SNX27: variants seen among roughly 807,000 people sequenced by gnomAD.
SNX27 encodes sorting nexin-27.
A neutral mutation model predicts 71.6 loss-of-function variants in SNX27; 22 were observed. That is an observed-to-expected ratio of 0.31 (90% CI 0.22 to 0.44). The LOEUF is 0.44. Ranked by LOEUF, SNX27 falls within the 20% of genes least tolerant of loss-of-function variation. The pLI, the probability that SNX27 is intolerant of heterozygous loss-of-function variation, is 1.00. For synonymous variants in SNX27, 269 were observed against 277.2 expected (o/e 0.97, Z 0.29); for missense variants, 531 against 698.6 (o/e 0.76, Z 2.70).
Position 151,694,568 on chromosome 1 carries a change from C to T in SNX27, c.*151C>T. Reference sequence around the variant, plus strand: ...TAAACTAAATATTATTAATAACCCCCTCTGAATTTCATGTCTCTGGAATTG... The same window carrying T: ...TAAACTAAATATTATTAATAACCCCTTCTGAATTTCATGTCTCTGGAATTG... On this transcript the variant is annotated 3_prime_UTR_variant, in exon 12 of 12. Coordinates refer to ENST00000458013, the MANE Select transcript of SNX27 (RefSeq NM_001330723.2). 1 of 711,408 alleles carries T rather than the reference C, an allele frequency of 1.4e-6. No individual in the cohort carries two copies. Among genetic ancestry groups the T allele is most frequent in the Non-Finnish European group, 2.1e-6 (1 of 467,116 alleles). The allele number at this position is 711,408 out of a possible 1,614,324, so 44.1% of individuals were successfully genotyped here.
At chr1:151,638,362 G>T (rs1668565051) in intron 1 of SNX27, among the ~76,000 whole-genome samples, 1 of 152,208 alleles carries the variant, frequency 6.6e-6, no homozygotes, top group South Asian at 2.1e-4. Context: ...GATATGGAGA[G>T]AAATTGGATG....
At chr1:151,652,565 C>T (rs549797338) in intron 2 of SNX27, among the ~76,000 whole-genome samples, 14 of 151,814 alleles carry the variant, frequency 9.2e-5, no homozygotes, top group East Asian at 5.8e-4. Context: ...GCCGCTACCA[C>T]GCCTGGCTAA....
At chr1:151,625,943 G>A (rs1422018905) in intron 1 of SNX27, among the ~76,000 whole-genome samples, 3 of 151,430 alleles carry the variant, frequency 2.0e-5, no homozygotes, top group African/African-American at 7.3e-5. Context: ...GAGTGAGACT[G>A]TGTCACCAAA....
At chr1:151,617,098 A>G (rs1667455921) in intron 1 of SNX27, among the ~76,000 whole-genome samples, 1 of 152,184 alleles carries the variant, frequency 6.6e-6, no homozygotes, top group Non-Finnish European at 1.5e-5. Context: ...GTGGAAAATC[A>G]GTTAAATACT....
At chr1:151,681,701 C>G (rs1041360492) in intron 7 of SNX27, among the ~76,000 whole-genome samples, 3 of 152,006 alleles carry the variant, frequency 2.0e-5, no homozygotes, top group Non-Finnish European at 4.4e-5. Context: ...ATCAAACTTT[C>G]TTTAATAAAG....
intron 9 of SNX27, 119 bp downstream of exon 9, chr1:151,692,703 G>C: frequency 6.8e-7 from 1 of 1,469,438 alleles, no homozygotes; most frequent in Non-Finnish European, 9.2e-7. Context: ...TTTTGACTGG[G>C]GCAAATAAAC....
chr1:151,694,632 C>G lies in SNX27; in HGVS notation c.*215C>G. 2 of 477,802 alleles carry G rather than the reference C, an allele frequency of 4.2e-6. 1 individual carries two copies. The highest frequency in any genetic ancestry group is 8.4e-5 in the South Asian group (2 of 23,882). 29.6% of individuals were successfully genotyped at this position (477,802 alleles called of 1,614,324 possible). A position where few individuals can be genotyped will look rare whatever the true frequency, so the allele number is the denominator to read the frequency against. Reference sequence around the variant, plus strand: ...CAGCAGATCGGTCAGCACCAGAAGTCAACTGAGTTAAGGCAGGAAAAGAAA... The same window carrying G: ...CAGCAGATCGGTCAGCACCAGAAGTGAACTGAGTTAAGGCAGGAAAAGAAA... On this transcript the variant is annotated 3_prime_UTR_variant, in exon 12 of 12. Coordinates refer to ENST00000458013, the MANE Select transcript of SNX27 (RefSeq NM_001330723.2).
chr1:151,660,699 C>A, intron 3 of SNX27, 99 bp from the exon 4 acceptor site: 1 of 920,750 alleles, frequency 1.1e-6, no homozygotes, highest in Non-Finnish European at 1.8e-6. Context: ...ATGATTTAAA[C>A]TTAAAACTGA....
At chr1:151,613,794 G>A (rs776433531) in intron 1 of SNX27, 1 of 152,252 alleles carries the variant, frequency 6.6e-6, no homozygotes, top group Admixed American at 6.5e-5. Context: ...TTGACTTGCA[G>A]GTGGTGTGTG....
At chr1:151,674,203 A>G (rs1670565578) in intron 7 of SNX27, among the ~76,000 whole-genome samples, 1 of 150,896 alleles carries the variant, frequency 6.6e-6, no homozygotes, top group South Asian at 2.1e-4. Context: ...TTTTTTGTGT[A>G]TTTGTTGTAT....
chr1:151,670,371 C>G (rs1670409227), intron 7 of SNX27, among the ~76,000 whole-genome samples: 1 of 152,188 alleles, frequency 6.6e-6, no homozygotes. Context: ...ATGTGGATAT[C>G]TCTTCAAAAT....
intron 1 of SNX27, among the ~76,000 whole-genome samples, chr1:151,630,956 C>T (rs532662701): frequency 1.6e-3 from 241 of 152,218 alleles, no homozygotes; most frequent in African/African-American, 5.5e-3. Flanking sequence ...GGCGTGAACC[C>T]GGGAGGCGGA....
At chr1:151,656,674 G>A (rs1395175720) in intron 2 of SNX27, among the ~76,000 whole-genome samples, 1 of 152,156 alleles carries the variant, frequency 6.6e-6, no homozygotes, top group African/African-American at 2.4e-5. Context: ...AATGTCAATG[G>A]CAGCATTATT....
At chr1:151,652,858 G>A (rs1348644990) in intron 2 of SNX27, among the ~76,000 whole-genome samples, 2 of 151,328 alleles carry the variant, frequency 1.3e-5, no homozygotes, top group Non-Finnish European at 2.9e-5. Context: ...CTAATAATAT[G>A]CTGCCTGATA....
At chr1:151,666,100 G>A (rs1670177718) in intron 6 of SNX27, 89 bp downstream of exon 6, 11 of 1,003,582 alleles carry the variant, frequency 1.1e-5, no homozygotes, top group Non-Finnish European at 1.7e-5. Flanking sequence ...GACAAGGGGA[G>A]ATCCCACTCA....
chr1:151,639,169 A>C, intron 2 of SNX27, 50 bp downstream of exon 2: 1 of 1,505,524 alleles, frequency 6.6e-7, no homozygotes, highest in Non-Finnish European at 9.1e-7. Flanking sequence ...TGTTTCCCCT[A>C]GTCTTATAAT....
chr1:151,654,656 C>T (rs1190923731), intron 2 of SNX27, among the ~76,000 whole-genome samples: 1 of 152,116 alleles, frequency 6.6e-6, no homozygotes, highest in Non-Finnish European at 1.5e-5. Context: ...ATTTGGCTTA[C>T]AGTTCTAGAG....
intron 3 of SNX27, 79 bp from the exon 4 acceptor site, chr1:151,660,719 C>G: frequency 8.9e-7 from 1 of 1,121,674 alleles, no homozygotes; most frequent in Non-Finnish European, 1.4e-6. Flanking sequence ...ATGATTTAAA[C>G]TTAAAACTTT....
rs1378085259 is a variant in SNX27, at chr1:151,652,401, G to A, written c.544-5834G>A. On this transcript the variant is annotated intron_variant, in intron 2 of 11. Transcript: ENST00000458013. ...AGGAACTCTTCATTTTTGATACCAC[G>A]CCTTTTTTTTTTTTTTTTTTTTCCT... Among the ~76,000 whole-genome samples the A allele has an allele frequency of 4.2e-5, 6 of 144,460 alleles. 1 individual carries two copies. The highest frequency in any genetic ancestry group is 4.1e-4 in the Admixed American group (6 of 14,570). The allele number at this position is 144,460 out of a possible 152,430, so 94.8% of individuals were successfully genotyped here. A position where few individuals can be genotyped will look rare whatever the true frequency, so the allele number is the denominator to read the frequency against.
Sources: allele counts gnomAD v4.1 joint callset (sites outside exome capture counted in the v4.1 genomes callset), GRCh38; gene constraint gnomAD v4.1.1; transcripts MANE v1.5; gene names NCBI Gene and HGNC (gene_info 2026-07-23, HGNC 2026-07-21).